The following UMAD1 variants were observed in gnomAD, a reference collection of about 807,000 sequenced individuals.
The protein encoded by UMAD1 is UBAP1-MVB12-associated (UMA)-domain containing protein 1.
A neutral mutation model predicts 6.1 loss-of-function variants in UMAD1; 8 were observed. The observed-to-expected ratio is 1.30, with a 90% CI of 0.76 to 2.35. The LOEUF (loss-of-function observed/expected upper bound fraction) is 2.35. UMAD1 is among the 30% of genes most tolerant of loss of function. The probability of loss-of-function intolerance (pLI) is 0.00; values close to 1 mark genes in which losing one functional copy is unlikely to be tolerated. For synonymous variants in UMAD1, 56 were observed against 31.4 expected, an observed-to-expected ratio of 1.78 and a Z score of -2.61; for missense variants, 130 against 78.4, an observed-to-expected ratio of 1.66 and a Z score of -2.49.
chr7:7,834,365 A>G (rs1783525395), intron 3 of UMAD1, among the ~76,000 whole-genome samples: 1 of 152,176 alleles, frequency 6.6e-6, no homozygotes, highest in Non-Finnish European at 1.5e-5. Context: ...TCTGTCATCC[A>G]TAAATTTCCT....
intron 2 of UMAD1, among the ~76,000 whole-genome samples, chr7:7,786,205 G>C (rs1055829382): frequency 6.6e-6 from 1 of 152,124 alleles, no homozygotes; most frequent in Non-Finnish European, 1.5e-5. Flanking sequence ...GCATTTACTC[G>C]GGATGTCTCT....
rs765992880 is a variant in UMAD1 at position 7,877,394 on chromosome 7, G to C, written c.270G>C (p.Pro90=). Residue 90 remains proline (P), a synonymous_variant, in exon 4 of 4, where the codon CCG becomes CCC. Transcript: ENST00000682710. Reference sequence around the variant, plus strand: ...TGGCCGAGCTCCTGAGCGATGTGCCGTTCACCCTGGCCCCGCATGTGCTGG... The same window carrying C: ...TGGCCGAGCTCCTGAGCGATGTGCCCTTCACCCTGGCCCCGCATGTGCTGG... ...SLMAELLSDV[P]FTLAPHVLAV... is the part of the protein sequence containing the mutation. 9.8e-6 allele frequency: 7 copies of C among 717,598 alleles called. No homozygotes were observed. The South Asian group carries it at 1.0e-4, about 11-fold the overall frequency. The allele number at this position is 717,598 out of a possible 1,614,324, so 44.5% of individuals were successfully genotyped here. A position where few individuals can be genotyped will look rare whatever the true frequency, so the allele number is the denominator to read the frequency against.
intron 2 of UMAD1, among the ~76,000 whole-genome samples, chr7:7,714,008 T>G (rs551164353): frequency 1.3e-5 from 2 of 152,182 alleles, no homozygotes; most frequent in African/African-American, 2.4e-5. Flanking sequence ...CCCACACGTT[T>G]TTCATCGTCA....
At chr7:7,742,529 G>C in intron 2 of UMAD1, 1 of 524,346 alleles carries the variant, frequency 1.9e-6, no homozygotes, top group Non-Finnish European at 3.8e-6. Flanking sequence ...GCTGTAGGAG[G>C]GGCAGGAGCT....
chr7:7,766,003 G>A (rs1160552226), intron 2 of UMAD1, among the ~76,000 whole-genome samples: 1 of 152,072 alleles, frequency 6.6e-6, no homozygotes. Context: ...TTGTAATAGT[G>A]GAATAAGAAT....
intron 2 of UMAD1, among the ~76,000 whole-genome samples, chr7:7,754,633 T>C (rs373674999): frequency 6.6e-6 from 1 of 152,228 alleles, no homozygotes; most frequent in African/African-American, 2.4e-5. Flanking sequence ...GTAACAAATA[T>C]ACTGATTTTT....
At chr7:7,729,900 T>A (rs1781214274) in intron 2 of UMAD1, among the ~76,000 whole-genome samples, 3 of 152,230 alleles carry the variant, frequency 2.0e-5, no homozygotes. Flanking sequence ...TTCCCACTCG[T>A]TCACTGAATT....
intron 2 of UMAD1, among the ~76,000 whole-genome samples, chr7:7,722,855 G>A (rs1045872295): frequency 2.6e-5 from 4 of 152,168 alleles, no homozygotes; most frequent in Non-Finnish European, 5.9e-5. Context: ...GGGACGTGTG[G>A]GAGGACCCTG....
At chr7:7,833,788 G>A (rs1783509751) in intron 3 of UMAD1, among the ~76,000 whole-genome samples, 1 of 152,068 alleles carries the variant, frequency 6.6e-6, no homozygotes, top group Admixed American at 6.5e-5. Flanking sequence ...TCATGGAATA[G>A]CAGCCAGAAC....
intron 3 of UMAD1, among the ~76,000 whole-genome samples, chr7:7,806,826 C>A (rs982404904): frequency 1.2e-4 from 18 of 152,082 alleles, no homozygotes; most frequent in Admixed American, 9.8e-4. Context: ...AATGACTAAG[C>A]AATGTTGAAA....
rs188336532 is a variant in UMAD1 at position 7,703,155 on chromosome 7, G to A, written c.82+29702G>A. ...ACAGCTGTAGTTTATTTTATTTGCC[G>A]AAAATAATTACTGGTGCCCACTAAA... On this transcript the variant is annotated intron_variant, in intron 2 of 3. Transcript: ENST00000682710. Among the ~76,000 whole-genome samples, 4 of 152,178 alleles carry A rather than the reference G, an allele frequency of 2.6e-5. No homozygotes were observed. The East Asian group carries it at 5.8e-4, about 22-fold the overall frequency.
At chr7:7,814,274 G>C (rs1171534551) in intron 3 of UMAD1, among the ~76,000 whole-genome samples, 3 of 152,190 alleles carry the variant, frequency 2.0e-5, no homozygotes, top group Non-Finnish European at 4.4e-5. Flanking sequence ...GTGAGCCACT[G>C]TCATATTGCT....
chr7:7,839,507 T>A (rs1479753828), intron 3 of UMAD1, among the ~76,000 whole-genome samples: 1 of 152,184 alleles, frequency 6.6e-6, no homozygotes, highest in African/African-American at 2.4e-5. Context: ...TTTTTGAGCC[T>A]TTTTACTCTT....
At chr7:7,860,604 C>CAAAAAAAAAAAA (rs373823869) in intron 3 of UMAD1, among the ~76,000 whole-genome samples, 11 of 93,856 alleles carry the variant, frequency 1.2e-4, no homozygotes, top group Non-Finnish European at 2.1e-4. Flanking sequence ...ACTAAAAATA[C>CAAAAAAAAAAAA]AAAAAAAAAA....
intron 2 of UMAD1, among the ~76,000 whole-genome samples, chr7:7,753,482 G>A (rs777194304): frequency 6.6e-6 from 1 of 152,016 alleles, no homozygotes; most frequent in Non-Finnish European, 1.5e-5. Flanking sequence ...AAGTTCAATT[G>A]TTTTGATTTT....
chr7:7,740,498 C>CTT (rs1018834372), intron 2 of UMAD1, among the ~76,000 whole-genome samples: 3 of 152,184 alleles, frequency 2.0e-5, no homozygotes, highest in African/African-American at 7.2e-5. Flanking sequence ...TTAAAACATT[C>CTT]TTTTATTTGC....
chr7:7,680,900 T>C (rs1779892699), intron 2 of UMAD1, among the ~76,000 whole-genome samples: 3 of 152,158 alleles, frequency 2.0e-5, no homozygotes, highest in South Asian at 4.1e-4. Context: ...TTGTATGCCG[T>C]AACCTTACTG....
At chr7:7,823,067 G>GTT (rs1276842697) in intron 3 of UMAD1, among the ~76,000 whole-genome samples, 2 of 152,036 alleles carry the variant, frequency 1.3e-5, no homozygotes, top group East Asian at 3.9e-4. Context: ...CTCCCTTGAT[G>GTT]TTTTATACAG....
intron 2 of UMAD1, among the ~76,000 whole-genome samples, chr7:7,796,458 A>G (rs969083613): frequency 2.6e-5 from 4 of 151,670 alleles, no homozygotes; most frequent in African/African-American, 9.7e-5. Context: ...TCCATGTTGG[A>G]CAGGCTGGTT....
Sources: allele counts gnomAD v4.1 joint callset (sites outside exome capture counted in the v4.1 genomes callset), GRCh38; gene constraint gnomAD v4.1.1; transcripts MANE v1.5; gene names NCBI Gene and HGNC (gene_info 2026-07-23, HGNC 2026-07-21).